Variants in IL36G observed in about 807,000 individuals in gnomAD.
The protein encoded by IL36G is interleukin-36 gamma.
Under a neutral mutation model 13.5 loss-of-function variants are expected in IL36G, and 10 were observed. The observed-to-expected ratio is 0.74, with a 90% CI of 0.46 to 1.26. IL36G has a LOEUF of 1.26. Ranked by LOEUF, IL36G falls within the 50% of genes most tolerant of loss-of-function variation. The probability of loss-of-function intolerance (pLI) is 0.00; values close to 1 mark genes in which losing one functional copy is unlikely to be tolerated. For synonymous variants in IL36G, 84 were observed against 74.0 expected, an observed-to-expected ratio of 1.13 and a Z score of -0.69; for missense variants, 199 against 203.0, an observed-to-expected ratio of 0.98 and a Z score of 0.12.
intron 4 of IL36G, among the ~76,000 whole-genome samples, chr2:112,984,302 AT>A (rs1440465130): frequency 6.6e-6 from 1 of 152,240 alleles, no homozygotes; most frequent in African/African-American, 2.4e-5. Context: ...TATAGAAGGC[AT>A]TTTTTGATTG....
At chr2:112,983,587 G>C (rs1272669322) in intron 4 of IL36G, among the ~76,000 whole-genome samples, 2 of 152,026 alleles carry the variant, frequency 1.3e-5, no homozygotes, top group Admixed American at 1.3e-4. Context: ...GTAAGTGCCA[G>C]GACCTTGGGT....
At chr2:112,978,783 C>A in intron 2 of IL36G, 90 bp downstream of exon 2, 1 of 1,265,566 alleles carries the variant, frequency 7.9e-7, no homozygotes, top group South Asian at 1.2e-5. Context: ...CTTCTCTGCT[C>A]CTCTCTGTAC....
intron 4 of IL36G, among the ~76,000 whole-genome samples, chr2:112,983,474 C>T (rs1387906003): frequency 6.6e-6 from 1 of 152,018 alleles, no homozygotes; most frequent in Non-Finnish European, 1.5e-5. Flanking sequence ...CCGATTTTGG[C>T]TGGGATGGAA....
chr2:112,985,140 G>A lies in IL36G; in HGVS notation c.*91G>A, dbSNP rs1005560395. ...TACATTTTCTTAGTGTCATTTTCAC[G>A]CTGGTGCTGAGACAGGGGCAAGGCT... On this transcript the variant is annotated 3_prime_UTR_variant, in exon 5 of 5. Coordinates refer to ENST00000259205, the MANE Select transcript of IL36G (RefSeq NM_019618.4). 1.6e-5 allele frequency: 14 copies of A among 879,982 alleles called. No individual in the cohort carries two copies. Among genetic ancestry groups the A allele is most frequent in the East Asian group, 5.2e-5 (2 of 38,420 alleles). The allele number at this position is 879,982 out of a possible 1,614,324, so 54.5% of individuals were successfully genotyped here. A position where few individuals can be genotyped will look rare whatever the true frequency, so the allele number is the denominator to read the frequency against.
Position 112,985,501 on chromosome 2 carries a change from G to A in IL36G, c.*452G>A, listed in dbSNP as rs1201338495. The A allele has an allele frequency of 6.3e-6, 1 of 159,298 alleles. No individual in the cohort carries two copies. The highest frequency in any genetic ancestry group is 1.8e-4 in the East Asian group (1 of 5,548). The allele number at this position is 159,298 out of a possible 1,614,324, so 9.9% of individuals were successfully genotyped here. A position where few individuals can be genotyped will look rare whatever the true frequency, so the allele number is the denominator to read the frequency against. On this transcript the variant is annotated 3_prime_UTR_variant, in exon 5 of 5. Transcript: ENST00000259205. ...TTATATGTTGCCAATATACCTCATT[G>A]TGTGTAATAGAACCTTCTTAGCATT...
At chr2:112,981,069 A>G in intron 4 of IL36G, 1 of 718,720 alleles carries the variant, frequency 1.4e-6, no homozygotes, top group South Asian at 1.6e-5. Context: ...AGAAAAGTAA[A>G]ACAAAATTCT....
rs373065238 is a variant in IL36G, at chr2:112,980,030, G to C, written c.182G>C (p.Cys61Ser). Residue 61 changes from cysteine (C) to serine (S), a missense_variant, in exon 4 of 5, where the codon TGC becomes TCC. Cys to Ser is a moderately radical substitution (Grantham distance 112). Coordinates refer to ENST00000259205, the MANE Select transcript of IL36G (RefSeq NM_019618.4). ...VTPVTVAVIT[C>S]KYPEALEQGR... ...ACAGTCACTGTTGCTGTTATCACAT[G>C]CAAGTATCCAGAGGCTCTTGAGCAA... The C allele has an allele frequency of 6.2e-7, 1 of 1,613,572 alleles. No individual in the cohort carries two copies. Among genetic ancestry groups the C allele is most frequent in the Non-Finnish European group, 8.5e-7 (1 of 1,179,778 alleles).
chr2:112,984,469 G>T (rs1182034078), intron 4 of IL36G, among the ~76,000 whole-genome samples: 1 of 152,124 alleles, frequency 6.6e-6, no homozygotes, highest in Non-Finnish European at 1.5e-5. Flanking sequence ...GTTCTTGCAG[G>T]GTAGTGACTC....
rs1573341709 is a variant in IL36G, at chr2:112,981,178, A to G, written c.300+1030A>G. On this transcript the variant is annotated intron_variant, in intron 4 of 4. Coordinates refer to ENST00000259205, the MANE Select transcript of IL36G (RefSeq NM_019618.4). ...TGCACACACTACACTTGGCATCTGC[A>G]GCACCTTCAGCTTTCTGTGCCTTCC... The G allele has an allele frequency of 8.4e-6, 10 of 1,194,900 alleles. No homozygotes were observed. In the East Asian group the frequency reaches 2.3e-4, roughly 28 times the overall value. 74.0% of individuals were successfully genotyped at this position (1,194,900 alleles called of 1,614,324 possible).
chr2:112,979,010 T>G (rs541166921), intron 2 of IL36G, among the ~76,000 whole-genome samples: 1 of 152,302 alleles, frequency 6.6e-6, no homozygotes, highest in African/African-American at 2.4e-5. Context: ...ACCAGTGACT[T>G]CCCTTGGTAG....
At chr2:112,982,321 G>A (rs1684278166) in intron 4 of IL36G, among the ~76,000 whole-genome samples, 1 of 152,200 alleles carries the variant, frequency 6.6e-6, no homozygotes, top group Non-Finnish European at 1.5e-5. Context: ...GACCAGTGAG[G>A]ACCGGTGTGC....
At chr2:112,984,326 T>C (rs1056876182) in intron 4 of IL36G, among the ~76,000 whole-genome samples, 1 of 152,252 alleles carries the variant, frequency 6.6e-6, no homozygotes, top group Non-Finnish European at 1.5e-5. Flanking sequence ...CTATTTACCT[T>C]CTTCCTTTGA....
chr2:112,979,681 G>A (rs1172018668), intron 3 of IL36G, among the ~76,000 whole-genome samples: 1 of 152,138 alleles, frequency 6.6e-6, no homozygotes, highest in Non-Finnish European at 1.5e-5. Context: ...CTTGCAAAAG[G>A]GACCAAGCTC....
In IL36G at chr2:112,978,601, TC is replaced by T. The variant is rs1684205132; in HGVS notation, c.-19-18del. 1 of 1,598,906 alleles carries T rather than the reference TC, an allele frequency of 6.3e-7. No homozygotes were observed. The highest frequency in any genetic ancestry group is 1.7e-5 in the Admixed American group (1 of 59,984). On this transcript the variant is annotated intron_variant, in intron 1 of 4. Transcript: ENST00000259205. The stretch of plus-strand genomic sequence containing the variant: ...GAAACATCTCTTGTGGTTCATCTGT[TC>T]TATGTCTGCTTTCACAGGTGCTGAG...
chr2:112,984,986 C>G lies in IL36G; in HGVS notation c.447C>G (p.Ile149Met), dbSNP rs531445649. The part of the protein sequence containing the change: ...FIASSKRDQP[I>M]ILTSELGKSY... ...CCTCCTCCAAGAGAGACCAGCCCAT[C>G]ATTCTGACTTCAGAACTTGGGAAGT... The change falls in exon 5 of 5, where the codon ATC becomes ATG. Residue 149 changes from isoleucine to methionine, a missense_variant. Transcript: ENST00000259205. The G allele has an allele frequency of 1.1e-5, 17 of 1,614,120 alleles. No individual in the cohort carries two copies. The highest frequency in any genetic ancestry group is 1.4e-5 in the Non-Finnish European group (16 of 1,179,994).
At chr2:112,978,151 A>C (rs1262843415) in intron 1 of IL36G, 73 bp downstream of exon 1, 2 of 165,170 alleles carry the variant, frequency 1.2e-5, no homozygotes, top group African/African-American at 4.8e-5. Flanking sequence ...TTTGGGCTTA[A>C]TGAAGGGAAG....
Position 112,985,656 on chromosome 2 carries a change from A to G in IL36G, c.*607A>G, listed in dbSNP as rs1684337608. 1 of 152,348 alleles carries G rather than the reference A, an allele frequency of 6.6e-6. No homozygotes were observed. Among genetic ancestry groups the G allele is most frequent in the Admixed American group, 6.5e-5 (1 of 15,300 alleles). 9.4% of individuals were successfully genotyped at this position (152,348 alleles called of 1,614,324 possible). ...AATAAAGCTAAAACTGATATAAAAT[A>G]AAGAAAGAGTAAACTGAAATTAGCA... On this transcript the variant is annotated 3_prime_UTR_variant, in exon 5 of 5. Transcript: ENST00000259205.
intron 3 of IL36G, 59 bp downstream of exon 3, chr2:112,979,384 A>C: frequency 9.9e-7 from 1 of 1,011,754 alleles, no homozygotes; most frequent in South Asian, 1.3e-5. Context: ...GGAAGCTGGC[A>C]TCAGCCTTTT....
At chr2:112,979,827 G>T (rs1332405904) in intron 3 of IL36G, among the ~76,000 whole-genome samples, 182 bp from the exon 4 acceptor site, 4 of 149,864 alleles carry the variant, frequency 2.7e-5, no homozygotes, top group Non-Finnish European at 3.0e-5. Context: ...GGCAGTGATT[G>T]GCACATGGTA....
Sources: allele counts gnomAD v4.1 joint callset (sites outside exome capture counted in the v4.1 genomes callset), GRCh38; gene constraint gnomAD v4.1.1; transcripts MANE v1.5; gene names NCBI Gene and HGNC (gene_info 2026-07-23, HGNC 2026-07-21).